SFXN1: variants seen among roughly 807,000 people sequenced by gnomAD.
SFXN1 encodes the protein sideroflexin-1.
SFXN1 carries 32 observed loss-of-function variants against 39.5 expected under a neutral mutation model. The observed-to-expected ratio is 0.81, with a 90% CI of 0.61 to 1.09. The LOEUF is 1.09. SFXN1 is among the 50% of genes least tolerant of loss of function. The pLI is 0.00. For missense variants in SFXN1, 402 were observed against 407.1 expected (o/e 0.99, Z 0.11); for synonymous variants, 136 against 146.5 (o/e 0.93, Z 0.52).
chr5:175,502,980 C>T (rs1760141191), intron 2 of SFXN1, among the ~76,000 whole-genome samples: 1 of 152,094 alleles, frequency 6.6e-6, no homozygotes, highest in Non-Finnish European at 1.5e-5. Context: ...ACAAAATACA[C>T]AAAATATGTA....
intron 2 of SFXN1, among the ~76,000 whole-genome samples, chr5:175,502,601 A>C (rs1262088804): frequency 6.6e-6 from 1 of 152,164 alleles, no homozygotes; most frequent in Non-Finnish European, 1.5e-5. Flanking sequence ...GCACTTGGGG[A>C]GGCGGAGGCG....
At chr5:175,487,589 T>A (rs1476856623) in intron 1 of SFXN1, among the ~76,000 whole-genome samples, 1 of 152,180 alleles carries the variant, frequency 6.6e-6, no homozygotes, top group Non-Finnish European at 1.5e-5. Flanking sequence ...TCTGACCTCT[T>A]CACACCACAG....
chr5:175,491,823 T>C, intron 1 of SFXN1: 1 of 272,954 alleles, frequency 3.7e-6, no homozygotes, highest in Non-Finnish European at 6.8e-6. Flanking sequence ...CCAGAGTAAT[T>C]CTAGGTATCC....
chr5:175,514,364 A>G (rs1760644808), intron 7 of SFXN1, among the ~76,000 whole-genome samples: 1 of 152,172 alleles, frequency 6.6e-6, no homozygotes, highest in South Asian at 2.1e-4. Context: ...TAGAAAGTCT[A>G]CATTGTATTT....
intron 8 of SFXN1, among the ~76,000 whole-genome samples, chr5:175,519,963 G>A (rs372538945): frequency 1.2e-4 from 17 of 142,596 alleles, no homozygotes; most frequent in African/African-American, 4.0e-4. Context: ...TCTGCCTCCC[G>A]GGTTCAAGCA....
intron 10 of SFXN1, chr5:175,525,871 C>G (rs1458911504): frequency 1.3e-5 from 2 of 152,228 alleles, no homozygotes; most frequent in Non-Finnish European, 2.9e-5. Context: ...GGTTCAGCCT[C>G]ACAAAGCTCC....
intron 2 of SFXN1, among the ~76,000 whole-genome samples, chr5:175,498,396 G>A (rs746681185): frequency 4.6e-5 from 7 of 152,152 alleles, no homozygotes; most frequent in African/African-American, 7.2e-5. Context: ...ATTAAGAAAC[G>A]GAGGTGGTAA....
chr5:175,496,948 G>A (rs1759880606), intron 2 of SFXN1, among the ~76,000 whole-genome samples: 1 of 151,724 alleles, frequency 6.6e-6, no homozygotes, highest in Admixed American at 6.6e-5. Context: ...CTAGAGTGCA[G>A]TGGCACACCA....
At chr5:175,517,732 C>T (rs1270066576) in intron 8 of SFXN1, among the ~76,000 whole-genome samples, 3 of 152,112 alleles carry the variant, frequency 2.0e-5, no homozygotes, top group Non-Finnish European at 4.4e-5. Flanking sequence ...CCCTACTTTT[C>T]CACGTTCAAA....
At chr5:175,497,168 C>T (rs1447617839) in intron 2 of SFXN1, among the ~76,000 whole-genome samples, 2 of 152,110 alleles carry the variant, frequency 1.3e-5, no homozygotes, top group Non-Finnish European at 2.9e-5. Flanking sequence ...GAATTACAGG[C>T]GTGAGCCACC....
Position 175,526,806 on chromosome 5 carries a change from C to G in SFXN1, c.*72C>G. The G allele has an allele frequency of 1.6e-6, 2 of 1,261,230 alleles. No individual in the cohort carries two copies. Among genetic ancestry groups the G allele is most frequent in the Middle Eastern group, 1.9e-4 (1 of 5,236 alleles). 78.1% of individuals were successfully genotyped at this position (1,261,230 alleles called of 1,614,324 possible). A position where few individuals can be genotyped will look rare whatever the true frequency, so the allele number is the denominator to read the frequency against. ...TGTAGCCATGCTGGTGAGAAAAATC[C>G]TGTTCAACCTGGGTTCTCCCAGTTA... On this transcript the variant is annotated 3_prime_UTR_variant, in exon 11 of 11. Coordinates refer to ENST00000321442, the MANE Select transcript of SFXN1 (RefSeq NM_022754.7).
At chr5:175,521,811 C>T (rs564459337) in intron 8 of SFXN1, 108 bp from the exon 9 acceptor site, 2 of 853,960 alleles carry the variant, frequency 2.3e-6, no homozygotes, top group East Asian at 5.1e-5. Flanking sequence ...TAACCATGTT[C>T]TATCTGAATC....
At position 175,524,119 on chromosome 5, in the gene SFXN1, AAAAAAAATATATATATATATATATATAT is replaced by A. The variant is rs1411805453; in HGVS notation, c.872+1699_872+1726del. 31 of 38,632 alleles carry A rather than the reference AAAAAAAATATATATATATATATATATAT, an allele frequency of 8.0e-4. 1 individual carries two copies. The highest frequency in any genetic ancestry group is 3.6e-3 in the African/African-American group (25 of 6,858). 2.4% of individuals were successfully genotyped at this position (38,632 alleles called of 1,614,324 possible). ...ATTCTGTCTCAAAAAAAAAAAAAAAAAAAAAAATATATATATATATATATATATATATATATATATATATATATATATC... is the reference window on the plus strand; with the variant it reads ...ATTCTGTCTCAAAAAAAAAAAAAAAAATATATATATATATATATATATATC... On this transcript the variant is annotated intron_variant, in intron 10 of 10. Transcript: ENST00000321442.
chr5:175,499,853 A>G (rs1011658687), intron 2 of SFXN1, among the ~76,000 whole-genome samples: 1 of 152,248 alleles, frequency 6.6e-6, no homozygotes, highest in African/African-American at 2.4e-5. Context: ...ATGAAAAAGT[A>G]AAACTTTCCT....
intron 2 of SFXN1, among the ~76,000 whole-genome samples, chr5:175,504,838 C>T (rs1477845855): frequency 2.0e-5 from 3 of 152,014 alleles, no homozygotes; most frequent in Non-Finnish European, 4.4e-5. Flanking sequence ...ACGCCATTCT[C>T]CTGCCTCAGC....
Position 175,492,244 on chromosome 5 carries a change from G to A in SFXN1, c.141G>A (p.Ala47=), listed in dbSNP as rs139188382. 1,018 of 1,611,448 alleles carry A rather than the reference G, an allele frequency of 6.3e-4. 9 individuals are homozygous for A. In the African/African-American group the frequency reaches 0.012, roughly 19 times the overall value. ...ILLTNEQLES[A]RKIVHDYRQG... ...TAACCAACGAACAACTCGAGAGTGC[G>A]AGAAAAATAGTACATGATTACAGGT... The change falls in exon 2 of 11, where the codon GCG becomes GCA. Residue 47 remains alanine (A), a synonymous_variant. Coordinates refer to ENST00000321442, the MANE Select transcript of SFXN1 (RefSeq NM_022754.7).
intron 2 of SFXN1, among the ~76,000 whole-genome samples, chr5:175,507,673 T>C (rs932773380): frequency 2.6e-5 from 4 of 152,182 alleles, no homozygotes; most frequent in Non-Finnish European, 4.4e-5. Flanking sequence ...AATTTTTTTT[T>C]CATCAAGAGT....
At chr5:175,522,072 C>T in intron 9 of SFXN1, 104 bp downstream of exon 9, 1 of 945,164 alleles carries the variant, frequency 1.1e-6, no homozygotes, top group Non-Finnish European at 1.6e-6. Context: ...GAAAATGAGG[C>T]CATCTCAGAA....
At chr5:175,515,432 A>G (rs760790091) in intron 7 of SFXN1, among the ~76,000 whole-genome samples, 3 of 152,224 alleles carry the variant, frequency 2.0e-5, no homozygotes, top group Admixed American at 6.5e-5. Flanking sequence ...TTTAGTCCCC[A>G]GAGAAGAAAT....
Sources: allele counts gnomAD v4.1 joint callset (sites outside exome capture counted in the v4.1 genomes callset), GRCh38; gene constraint gnomAD v4.1.1; transcripts MANE v1.5; gene names NCBI Gene and HGNC (gene_info 2026-07-23, HGNC 2026-07-21).